The following VSTM2L variants were observed in gnomAD, a reference collection of about 807,000 sequenced individuals.
The protein encoded by VSTM2L is V-set and transmembrane domain containing 2 like, also known as V-set and transmembrane domain-containing protein 2-like protein.
VSTM2L carries 9 observed loss-of-function variants against 19.9 expected under a neutral mutation model. The ratio of observed to expected loss-of-function variants is 0.45; its 90% confidence interval spans 0.27 to 0.79. VSTM2L has a LOEUF of 0.79. VSTM2L is among the 30% of genes least tolerant of loss of function. The pLI, the probability that VSTM2L is intolerant of heterozygous loss-of-function variation, is 0.15. For synonymous variants in VSTM2L, 127 were observed against 133.8 expected (o/e 0.95, Z 0.35); for missense variants, 286 against 295.5 (o/e 0.97, Z 0.24).
chr20:37,909,188 G>A (rs2072766394), intron 1 of VSTM2L, among the ~76,000 whole-genome samples: 1 of 152,224 alleles, frequency 6.6e-6, no homozygotes. Context: ...AGGAGGGCGA[G>A]CAGCAGTGGG....
At chr20:37,921,838 CTTTTTTTTT>C (rs756122087) in intron 1 of VSTM2L, among the ~76,000 whole-genome samples, 1 of 91,772 alleles carries the variant, frequency 1.1e-5, no homozygotes. Context: ...CTTTCTTTTC[CTTTTTTTTT>C]TTTTTTTTTT....
rs773073130 is a variant in VSTM2L, at chr20:37,931,714, C to T, written c.201C>T (p.Ser67=). The change falls in exon 2 of 4, where the codon AGC becomes AGT. Residue 67 remains serine, a synonymous_variant. Coordinates refer to ENST00000373461, the MANE Select transcript of VSTM2L (RefSeq NM_080607.3). ...DVEMACSFRG[S]GSPSYSLEIQ... ...AGATGGCCTGCTCCTTCCGCGGCAG[C>T]GGCTCCCCCTCCTACTCGCTGGAGA... The T allele has an allele frequency of 9.3e-6, 15 of 1,613,714 alleles. No individual in the cohort carries two copies. The highest frequency in any genetic ancestry group is 1.2e-5 in the Non-Finnish European group (14 of 1,180,030).
chr20:37,907,594 A>G (rs2122931838), intron 1 of VSTM2L, among the ~76,000 whole-genome samples: 2 of 152,084 alleles, frequency 1.3e-5, no homozygotes, highest in African/African-American at 4.8e-5. Flanking sequence ...ATGGTCCCTG[A>G]GAGGAGCTCC....
At chr20:37,930,500 G>A (rs566510358) in intron 1 of VSTM2L, among the ~76,000 whole-genome samples, 21 of 152,246 alleles carry the variant, frequency 1.4e-4, no homozygotes, top group African/African-American at 4.6e-4. Flanking sequence ...TGACCTGCAC[G>A]TTGCCAGGCG....
intron 3 of VSTM2L, among the ~76,000 whole-genome samples, chr20:37,938,548 C>T (rs1600575164): frequency 6.6e-6 from 1 of 152,232 alleles, no homozygotes; most frequent in South Asian, 2.1e-4. Flanking sequence ...CGATCCCAGC[C>T]TGCCCAATGT....
At chr20:37,916,924 G>T (rs2072821861) in intron 1 of VSTM2L, among the ~76,000 whole-genome samples, 1 of 152,170 alleles carries the variant, frequency 6.6e-6, no homozygotes, top group African/African-American at 2.4e-5. Flanking sequence ...GGAGAGTGGG[G>T]AGTGAGGAGT....
At chr20:37,925,382 G>A (rs2077060041) in intron 1 of VSTM2L, among the ~76,000 whole-genome samples, 1 of 152,190 alleles carries the variant, frequency 6.6e-6, no homozygotes. Flanking sequence ...GTACAGAGGA[G>A]CAGAGGCTCA....
intron 1 of VSTM2L, among the ~76,000 whole-genome samples, chr20:37,913,082 A>AAC (rs1226592948): frequency 1.3e-5 from 2 of 152,118 alleles, no homozygotes; most frequent in Admixed American, 6.5e-5. Flanking sequence ...TCATGGTGAC[A>AAC]CCCACACAGA....
chr20:37,943,446 T>G (rs969316498), intron 3 of VSTM2L, among the ~76,000 whole-genome samples: 1 of 151,476 alleles, frequency 6.6e-6, no homozygotes, highest in African/African-American at 2.4e-5. Context: ...TTTTTTTTTT[T>G]TTAGGAAATG....
rs371311633 is a variant in VSTM2L at position 37,908,399 on chromosome 20, G to A, written c.121+4928G>A. On this transcript the variant is annotated intron_variant, in intron 1 of 3. Transcript: ENST00000373461. ...ATCATGGAGGCCCCTTGGGACCATC[G>A]TCCCAAGCCTCTCTCTTACAGATGA... Among the ~76,000 whole-genome samples, 25 of 152,284 alleles carry A rather than the reference G, an allele frequency of 1.6e-4. 1 individual carries two copies. The East Asian group carries it at 3.7e-3, about 22-fold the overall frequency.
chr20:37,925,916 C>T (rs1391601406), intron 1 of VSTM2L, among the ~76,000 whole-genome samples: 7 of 152,222 alleles, frequency 4.6e-5, no homozygotes, highest in Admixed American at 1.3e-4. Flanking sequence ...GAGGGCAACA[C>T]CTCCTCCAGG....
rs1412161676 is a variant in VSTM2L, at chr20:37,944,225, C to G, written c.587C>G (p.Ser196Trp). The G allele has an allele frequency of 6.6e-7, 1 of 1,521,154 alleles. No homozygotes were observed. The highest frequency in any genetic ancestry group is 1.2e-5 in the South Asian group (1 of 81,046). 94.2% of individuals were successfully genotyped at this position (1,521,154 alleles called of 1,614,324 possible). Residue 196 changes from serine to tryptophan, a missense_variant, in exon 4 of 4, where the codon TCG (serine) becomes TGG (tryptophan). Physicochemically the swap from Ser to Trp is radical, Grantham distance 177 (BLOSUM62 -3). Transcript: ENST00000373461. ...CCAGGCAAGGAGCTGAGGAAGCGCTCGGTGGACCAGGAGGCCTGCAGCCTC... is the reference window on the plus strand; with the variant it reads ...CCAGGCAAGGAGCTGAGGAAGCGCTGGGTGGACCAGGAGGCCTGCAGCCTC... ...PKPGKELRKR[S>W]VDQEACSL
At chr20:37,905,403 G>T (rs1447935880) in intron 1 of VSTM2L, among the ~76,000 whole-genome samples, 1 of 152,160 alleles carries the variant, frequency 6.6e-6, no homozygotes, top group African/African-American at 2.4e-5. Context: ...GAAAAGCAGG[G>T]TCTGTCTGCC....
At chr20:37,912,725 T>C (rs1195325399) in intron 1 of VSTM2L, among the ~76,000 whole-genome samples, 1 of 152,096 alleles carries the variant, frequency 6.6e-6, no homozygotes, top group Non-Finnish European at 1.5e-5. Context: ...AGAGGGGGCC[T>C]TTCTCCAGCA....
chr20:37,917,484 G>C (rs938659409), intron 1 of VSTM2L, among the ~76,000 whole-genome samples: 1 of 152,232 alleles, frequency 6.6e-6, no homozygotes, highest in Non-Finnish European at 1.5e-5. Context: ...GGTTGTTGTG[G>C]ACCTTCTGGG....
chr20:37,931,570 C>G (rs1247213595), intron 1 of VSTM2L, 65 bp from the exon 2 acceptor site: 1 of 1,546,674 alleles, frequency 6.5e-7, no homozygotes, highest in African/African-American at 1.4e-5. Context: ...CGTTCTCCAC[C>G]TCCTTCACCC....
intron 1 of VSTM2L, 108 bp from the exon 2 acceptor site, chr20:37,931,527 C>A: frequency 8.0e-7 from 1 of 1,253,210 alleles, no homozygotes; most frequent in Non-Finnish European, 1.1e-6. Flanking sequence ...CCCCCTCCAC[C>A]CATCCCCCGC....
At chr20:37,907,359 G>A (rs567810261) in intron 1 of VSTM2L, among the ~76,000 whole-genome samples, 3 of 152,116 alleles carry the variant, frequency 2.0e-5, no homozygotes, top group East Asian at 3.9e-4. Flanking sequence ...CTCCCTCCTC[G>A]GCCTTCCAAA....
chr20:37,915,007 G>A (rs2072809233), intron 1 of VSTM2L, among the ~76,000 whole-genome samples: 1 of 152,220 alleles, frequency 6.6e-6, no homozygotes, highest in Non-Finnish European at 1.5e-5. Flanking sequence ...CGTTGAAGGC[G>A]GCGGCAATTA....
Sources: gnomAD v4.1 joint callset for allele counts (sites outside exome capture counted in the v4.1 genomes callset) on GRCh38, gnomAD v4.1.1 for gene constraint, MANE v1.5 for transcripts, NCBI Gene and HGNC (gene_info 2026-07-23, HGNC 2026-07-21) for gene names.